ERMARD: variants seen among roughly 807,000 people sequenced by gnomAD.
The protein encoded by ERMARD is endoplasmic reticulum membrane-associated RNA degradation protein.
ERMARD carries 71 observed loss-of-function variants against 83.9 expected under a neutral mutation model. The observed-to-expected ratio is 0.85, with a 90% confidence interval of 0.70 to 1.03. ERMARD has a LOEUF of 1.03. ERMARD is among the 50% of genes least tolerant of loss of function. ERMARD has a pLI of 0.00. For synonymous variants in ERMARD, 284 were observed against 298.6 expected (o/e 0.95, Z 0.50); for missense variants, 838 against 810.9 (o/e 1.03, Z -0.41).
At chr6:169,777,198 T>C (rs748135758) in intron 16 of ERMARD, among the ~76,000 whole-genome samples, 2 of 152,164 alleles carry the variant, frequency 1.3e-5, no homozygotes, top group Non-Finnish European at 2.9e-5. Context: ...GCATTTTACA[T>C]AGGGCAGAGG....
At chr6:169,754,771 G>T (rs927530667) in intron 2 of ERMARD, among the ~76,000 whole-genome samples, 1 of 152,032 alleles carries the variant, frequency 6.6e-6, no homozygotes, top group Non-Finnish European at 1.5e-5. Context: ...CATTGATCAG[G>T]AACCAAGTAG....
intron 12 of ERMARD, among the ~76,000 whole-genome samples, chr6:169,772,267 C>T (rs1387087803): frequency 6.6e-6 from 1 of 152,208 alleles, no homozygotes; most frequent in African/African-American, 2.4e-5. Flanking sequence ...GCCAGGTGCT[C>T]TTCAGTGGCA....
intron 17 of ERMARD, among the ~76,000 whole-genome samples, chr6:169,780,686 C>T (rs1317768792): frequency 6.6e-6 from 1 of 152,192 alleles, no homozygotes; most frequent in Non-Finnish European, 1.5e-5. Flanking sequence ...AAGGACTGGC[C>T]TGCTTGTCAT....
chr6:169,766,950 T>C lies in ERMARD; in HGVS notation c.990+283T>C, dbSNP rs140056998. The C allele has an allele frequency of 4.3e-4, 140 of 326,776 alleles. No individual in the cohort carries two copies. The Middle Eastern group carries it at 5.8e-3, about 14-fold the overall frequency. 20.2% of individuals were successfully genotyped at this position (326,776 alleles called of 1,614,324 possible). On this transcript the variant is annotated intron_variant, in intron 10 of 17. Transcript: ENST00000366773. Reference sequence around the variant, plus strand: ...ATTATTTAGAGGCTTGCATTTTAGATTTAGGGGTGACATCTTTTTTGTACA... The same window carrying C: ...ATTATTTAGAGGCTTGCATTTTAGACTTAGGGGTGACATCTTTTTTGTACA...
chr6:169,779,975 C>T (rs531594883), intron 17 of ERMARD, among the ~76,000 whole-genome samples: 114 of 152,318 alleles, frequency 7.5e-4, no homozygotes, highest in Non-Finnish European at 1.4e-3. Flanking sequence ...CAGTCTCCCT[C>T]GGCTGCTAGG....
chr6:169,766,905 A>C lies in ERMARD; in HGVS notation c.990+238A>C, dbSNP rs185014362. On this transcript the variant is annotated intron_variant, in intron 10 of 17. Transcript: ENST00000366773. The stretch of plus-strand genomic sequence containing the variant: ...GCTCAAAGTTGGAAAATACCAAGGG[A>C]TCTAACATGATTAGCTATAATTATT... 1.8e-3 allele frequency: 768 copies of C among 422,572 alleles called. 4 individuals carry two copies. Among genetic ancestry groups the C allele is most frequent in the Non-Finnish European group, 2.5e-4 (59 of 237,888 alleles). The allele number at this position is 422,572 out of a possible 1,614,324, so 26.2% of individuals were successfully genotyped here. A position where few individuals can be genotyped will look rare whatever the true frequency, so the allele number is the denominator to read the frequency against.
intron 1 of ERMARD, among the ~76,000 whole-genome samples, chr6:169,753,650 C>T (rs1790440122): frequency 6.6e-6 from 1 of 151,728 alleles, no homozygotes; most frequent in South Asian, 2.1e-4. Flanking sequence ...AATTTTAGGT[C>T]TTTAAGCCTT....
chr6:169,766,415 C>G (rs550963798), intron 9 of ERMARD, among the ~76,000 whole-genome samples: 1 of 152,302 alleles, frequency 6.6e-6, no homozygotes, highest in African/African-American at 2.4e-5. Flanking sequence ...GAGCAGTGTC[C>G]TAATGCGGCT....
In ERMARD at chr6:169,776,645, C is replaced by T. The variant is rs760835757; in HGVS notation, c.1711C>T (p.Arg571Trp). 6.8e-6 allele frequency: 11 copies of T among 1,613,896 alleles called. No individual in the cohort carries two copies. The highest frequency in any genetic ancestry group is 5.3e-5 in the African/African-American group (4 of 74,934). The change falls in exon 16 of 18, where the codon CGG becomes TGG. Residue 571 changes from arginine to tryptophan, a missense_variant. Coordinates refer to ENST00000366773, the MANE Select transcript of ERMARD (RefSeq NM_018341.3). Reference sequence around the variant, plus strand: ...GGAAAGGACGCTGCGGTCTCGCCAGCGGCAGAACTACCTGCGTATGTGGAG... The same window carrying T: ...GGAAAGGACGCTGCGGTCTCGCCAGTGGCAGAACTACCTGCGTATGTGGAG... The part of the protein sequence containing the change: ...WVERTLRSRQ[R>W]QNYLRMWSSI...
chr6:169,778,844 C>T (rs566845577), intron 16 of ERMARD, among the ~76,000 whole-genome samples: 5 of 152,362 alleles, frequency 3.3e-5, no homozygotes, highest in South Asian at 2.1e-4. Context: ...CAGAGGGCAG[C>T]GAGCAGGGGG....
At position 169,764,175 on chromosome 6, in the gene ERMARD, C is replaced by T. The variant is rs575246420; in HGVS notation, c.960+1644C>T. On this transcript the variant is annotated intron_variant, in intron 9 of 17. Coordinates refer to ENST00000366773, the MANE Select transcript of ERMARD (RefSeq NM_018341.3). Reference sequence around the variant, plus strand: ...CTGAGAAGCCCCCCGCCTGGCTCCTCGGCCCACCCGAGCTCATCTCACGAT... The same window carrying T: ...CTGAGAAGCCCCCCGCCTGGCTCCTTGGCCCACCCGAGCTCATCTCACGAT... 3.3e-5 allele frequency among the ~76,000 whole-genome samples: 5 copies of T among 152,120 alleles called. No homozygotes were observed. In the South Asian group the frequency reaches 6.2e-4, roughly 19 times the overall value.
At position 169,751,676 on chromosome 6, in the gene ERMARD, T is replaced by C. The variant is rs1447009693; in HGVS notation, c.6+13T>C. 2 of 1,552,582 alleles carry C rather than the reference T, an allele frequency of 1.3e-6. No homozygotes were observed. Among genetic ancestry groups the C allele is most frequent in the Non-Finnish European group, 1.7e-6 (2 of 1,148,576 alleles). ...GGAAGTTATGGAGGTAGGGCGGGTG[T>C]AGGGCCCGGTTCGATCCCGAGCTAG... On this transcript the variant is annotated intron_variant, in intron 1 of 17. Coordinates refer to ENST00000366773, the MANE Select transcript of ERMARD (RefSeq NM_018341.3).
chr6:169,767,982 T>C, intron 10 of ERMARD, 121 bp from the exon 11 acceptor site: 1 of 725,162 alleles, frequency 1.4e-6, no homozygotes, highest in Middle Eastern at 3.0e-4. Flanking sequence ...ACTGTCCATT[T>C]AATTTGCTTA....
At position 169,753,879 on chromosome 6, in the gene ERMARD, C is replaced by T. The variant is rs1790466540; in HGVS notation, c.22C>T (p.Pro8Ser). Residue 8 changes from proline to serine, a missense_variant, in exon 2 of 18, where the codon CCT becomes TCT. Coordinates refer to ENST00000366773, the MANE Select transcript of ERMARD (RefSeq NM_018341.3). MEVLIGD[P>S]ITTCLSPSVY... is the part of the protein sequence containing the mutation. ...TATTTTTTAGGTATTAATAGGGGACCCTATTACCACATGTCTTTCTCCCTC... is the reference window on the plus strand; with the variant it reads ...TATTTTTTAGGTATTAATAGGGGACTCTATTACCACATGTCTTTCTCCCTC... 6.3e-7 allele frequency: 1 copy of T among 1,585,904 alleles called. No homozygotes were observed. Among genetic ancestry groups the T allele is most frequent in the South Asian group, 1.1e-5 (1 of 87,632 alleles).
intron 12 of ERMARD, among the ~76,000 whole-genome samples, chr6:169,772,387 C>A (rs1793044804): frequency 1.3e-5 from 2 of 152,220 alleles, no homozygotes; most frequent in African/African-American, 4.8e-5. Context: ...CAGGCTCTTA[C>A]ACACCTGAGT....
chr6:169,779,787 G>A (rs1397621035), intron 17 of ERMARD, among the ~76,000 whole-genome samples: 3 of 152,226 alleles, frequency 2.0e-5, no homozygotes, highest in African/African-American at 7.2e-5. Context: ...CCCAATTCGT[G>A]TATGTAACAA....
chr6:169,776,627 A>C lies in ERMARD; in HGVS notation c.1693A>C (p.Thr565Pro), dbSNP rs1462603102. The C allele has an allele frequency of 1.2e-6, 2 of 1,614,186 alleles. No individual in the cohort carries two copies. The highest frequency in any genetic ancestry group is 1.7e-6 in the Non-Finnish European group (2 of 1,180,050). ...ELRHRQWVER[T>P]LRSRQRQNYL... ...GAGACACAGGCAGTGGGTGGAAAGG[A>C]CGCTGCGGTCTCGCCAGCGGCAGAA... is the stretch of plus-strand genomic sequence containing the variant. The change falls in exon 16 of 18, where the codon ACG (threonine) becomes CCG (proline). Residue 565 changes from threonine (T) to proline (P), a missense_variant. Physicochemically the swap from Thr to Pro is conservative, Grantham distance 38. Transcript: ENST00000366773.
At chr6:169,755,720 A>G in intron 3 of ERMARD, 1 of 317,266 alleles carries the variant, frequency 3.2e-6, no homozygotes, top group Non-Finnish European at 5.8e-6. Context: ...CTACTCCAGA[A>G]TAAGGCGTTG....
intron 8 of ERMARD, among the ~76,000 whole-genome samples, chr6:169,761,143 G>C (rs1791498641): frequency 6.6e-6 from 1 of 152,178 alleles, no homozygotes; most frequent in African/African-American, 2.4e-5. Context: ...CTGATCTTTA[G>C]TTCCTTAAAG....
Sources: allele counts gnomAD v4.1 joint callset (sites outside exome capture counted in the v4.1 genomes callset), GRCh38; gene constraint gnomAD v4.1.1; transcripts MANE v1.5; gene names NCBI Gene and HGNC (gene_info 2026-07-23, HGNC 2026-07-21).